The following CDK15 variants were observed in gnomAD, a reference collection of about 807,000 sequenced individuals.
CDK15 encodes cyclin-dependent kinase 15.
CDK15 carries 62 observed loss-of-function variants against 60.3 expected under a neutral mutation model. The observed-to-expected ratio is 1.03, with a 90% CI of 0.84 to 1.27. The LOEUF (loss-of-function observed/expected upper bound fraction) is 1.27, where lower values mean the gene tolerates loss of function less well. CDK15 is among the 50% of genes most tolerant of loss of function. The pLI is 0.00. For missense variants in CDK15, 541 were observed against 527.8 expected (o/e 1.03, Z -0.25); for synonymous variants, 194 against 195.7 (o/e 0.99, Z 0.07).
chr2:201,852,057 C>T lies in CDK15; in HGVS notation c.946-2817C>T, dbSNP rs533702675. ...CAAATGTATGGCTTGCAAATATTTTCTCCCATCGTAGGTTGTCTCTTCACT... is the reference window on the plus strand; with the variant it reads ...CAAATGTATGGCTTGCAAATATTTTTTCCCATCGTAGGTTGTCTCTTCACT... On this transcript the variant is annotated intron_variant, in intron 9 of 13. Coordinates refer to ENST00000652192, the MANE Select transcript of CDK15 (RefSeq NM_001366386.2). 1.4e-3 allele frequency among the ~76,000 whole-genome samples: 211 copies of T among 152,272 alleles called. 1 individual carries two copies. Among genetic ancestry groups the T allele is most frequent in the South Asian group, 2.9e-3 (14 of 4,816 alleles).
intron 12 of CDK15, among the ~76,000 whole-genome samples, chr2:201,884,492 C>T (rs1041877292): frequency 1.3e-5 from 2 of 152,190 alleles, no homozygotes; most frequent in African/African-American, 2.4e-5. Context: ...CAGCATGCCT[C>T]ATTGCCCTGT....
intron 9 of CDK15, among the ~76,000 whole-genome samples, chr2:201,849,168 GATA>G (rs1340210563): frequency 6.6e-6 from 1 of 152,190 alleles, no homozygotes; most frequent in African/African-American, 2.4e-5. Flanking sequence ...TGGCAACAAT[GATA>G]ATAAGGACTT....
chr2:201,885,217 T>C (rs748451513), intron 12 of CDK15, among the ~76,000 whole-genome samples: 8 of 152,228 alleles, frequency 5.3e-5, no homozygotes, highest in Non-Finnish European at 1.0e-4. Flanking sequence ...TAACATGTAC[T>C]AATCAAGCTT....
Position 201,806,623 on chromosome 2 carries a change from G to C in CDK15, c.-42G>C. The C allele has an allele frequency of 6.5e-7, 1 of 1,534,584 alleles. No homozygotes were observed. Among genetic ancestry groups the C allele is most frequent in the East Asian group, 2.3e-5 (1 of 42,734 alleles). On this transcript the variant is annotated 5_prime_UTR_variant, in exon 1 of 14. Coordinates refer to ENST00000652192, the MANE Select transcript of CDK15 (RefSeq NM_001366386.2). ...AACAAGGATAGGAGAGGCAGTGGGG[G>C]AAAGGTTCAAGTGCGGGTTTTCTCC... is the stretch of plus-strand genomic sequence containing the variant.
chr2:201,831,262 T>A (rs778201923), intron 6 of CDK15, among the ~76,000 whole-genome samples: 1 of 152,048 alleles, frequency 6.6e-6, no homozygotes, highest in African/African-American at 2.4e-5. Context: ...CTATAAGGAG[T>A]TGGCTAACGG....
intron 10 of CDK15, among the ~76,000 whole-genome samples, chr2:201,857,466 C>T (rs957311158): frequency 1.3e-5 from 2 of 151,958 alleles, no homozygotes; most frequent in Non-Finnish European, 2.9e-5. Context: ...CTGTGCCGTG[C>T]GCTGGGGCTA....
At chr2:201,845,845 AAGAG>A (rs71407901) in intron 8 of CDK15, among the ~76,000 whole-genome samples, 15,537 of 91,944 alleles carry the variant, frequency 0.17, 960 homozygotes, top group Middle Eastern at 0.23. Context: ...AAAAAAAAAA[AAGAG>A]AGAGAGAGAG....
intron 8 of CDK15, among the ~76,000 whole-genome samples, chr2:201,843,906 G>GCA (rs201402130): frequency 0.59 from 89,662 of 151,990 alleles, 27,320 homozygotes; most frequent in Admixed American, 0.7. Context: ...AGGACACTAA[G>GCA]GAATTGTGTA....
chr2:201,813,417 A>G (rs1695859725), intron 4 of CDK15, among the ~76,000 whole-genome samples: 1 of 152,256 alleles, frequency 6.6e-6, no homozygotes, highest in South Asian at 2.1e-4. Context: ...AGATGATGAT[A>G]GGATTGCTAT....
intron 4 of CDK15, among the ~76,000 whole-genome samples, chr2:201,816,050 C>T (rs946054022): frequency 6.6e-6 from 1 of 151,986 alleles, no homozygotes; most frequent in Non-Finnish European, 1.5e-5. Flanking sequence ...TGTTTAGCAA[C>T]AGTAAAAATA....
At chr2:201,892,258 C>T (rs1271702594) in intron 13 of CDK15, among the ~76,000 whole-genome samples, 2 of 152,052 alleles carry the variant, frequency 1.3e-5, no homozygotes, top group African/African-American at 2.4e-5. Flanking sequence ...TTATTTTAAA[C>T]CTGCTAGTTA....
chr2:201,830,404 T>C (rs1024318034), intron 6 of CDK15, among the ~76,000 whole-genome samples: 1 of 152,192 alleles, frequency 6.6e-6, no homozygotes, highest in Non-Finnish European at 1.5e-5. Context: ...GAATAAGAAG[T>C]ATCCATTGGA....
At chr2:201,875,941 A>G (rs1347658725) in intron 11 of CDK15, among the ~76,000 whole-genome samples, 2 of 152,188 alleles carry the variant, frequency 1.3e-5, no homozygotes, top group Non-Finnish European at 2.9e-5. Flanking sequence ...TGTTACTAGA[A>G]GGACTGATTT....
In CDK15 at chr2:201,807,478, T is replaced by C; in HGVS notation, c.124-16T>C. The C allele has an allele frequency of 1.9e-6, 3 of 1,604,500 alleles. No homozygotes were observed. The South Asian group carries it at 3.3e-5, about 18-fold the overall frequency. On this transcript the variant is annotated splice_polypyrimidine_tract_variant and intron_variant, in intron 1 of 13. Transcript: ENST00000652192. The stretch of plus-strand genomic sequence containing the variant: ...CTTTGCATAAATTTTATTTCTGCTC[T>C]TTCTTTTTTCTCTAGCTAACAGACC...
At chr2:201,872,243 AT>A (rs760254108) in intron 10 of CDK15, 34 bp from the exon 11 acceptor site, 1 of 1,611,684 alleles carries the variant, frequency 6.2e-7, no homozygotes, top group Non-Finnish European at 8.5e-7. Flanking sequence ...TTTCGGGTGG[AT>A]TTTATTTTTT....
chr2:201,823,853 GA>G (rs1438963159), intron 6 of CDK15, 126 bp downstream of exon 6: 1 of 730,666 alleles, frequency 1.4e-6, no homozygotes. Context: ...TGATATTCCA[GA>G]AAAAAGTTTT....
At chr2:201,869,444 G>A (rs931351223) in intron 10 of CDK15, among the ~76,000 whole-genome samples, 4 of 151,838 alleles carry the variant, frequency 2.6e-5, no homozygotes, top group Admixed American at 2.6e-4. Flanking sequence ...TGAGTTAATG[G>A]GTGCAGCAAA....
intron 8 of CDK15, among the ~76,000 whole-genome samples, chr2:201,846,574 T>C (rs967681658): frequency 6.6e-6 from 1 of 151,934 alleles, no homozygotes; most frequent in Non-Finnish European, 1.5e-5. Context: ...TTTCTTTTTT[T>C]TTTTAAACTC....
At chr2:201,835,820 T>C in intron 8 of CDK15, 57 bp downstream of exon 8, 1 of 1,328,574 alleles carries the variant, frequency 7.5e-7, no homozygotes, top group Non-Finnish European at 9.8e-7. Flanking sequence ...TGCTTTATCA[T>C]CTACATTATA....
Sources: gnomAD v4.1 joint callset for allele counts (sites outside exome capture counted in the v4.1 genomes callset) on GRCh38, gnomAD v4.1.1 for gene constraint, MANE v1.5 for transcripts, NCBI Gene and HGNC (gene_info 2026-07-23, HGNC 2026-07-21) for gene names.